The following ESRRG variants were observed in gnomAD, a reference collection of about 807,000 sequenced individuals.
ESRRG encodes estrogen-related receptor gamma.
In ESRRG, 13 loss-of-function variants were observed where a neutral mutation model predicts 44.0. The observed-to-expected ratio is 0.30, with a 90% CI of 0.19 to 0.47. ESRRG has a LOEUF of 0.47. ESRRG is among the 20% of genes least tolerant of loss of function. The pLI is 1.00. For missense variants in ESRRG, 395 were observed against 580.6 expected (o/e 0.68, Z 3.29); for synonymous variants, 215 against 214.6 (o/e 1.00, Z -0.02).
chr1:216,852,574 C>T (rs1482336112), intron 2 of ESRRG, among the ~76,000 whole-genome samples: 1 of 152,174 alleles, frequency 6.6e-6, no homozygotes, highest in Non-Finnish European at 1.5e-5. Context: ...TGTGTTCATA[C>T]TATCTTGTTT....
intron 3 of ESRRG, among the ~76,000 whole-genome samples, chr1:216,623,916 A>G (rs577167850): frequency 1.2e-4 from 19 of 152,056 alleles, no homozygotes; most frequent in Non-Finnish European, 2.2e-4. Flanking sequence ...ACTCAAGGGC[A>G]TATATTCAGG....
At chr1:216,607,684 A>G (rs2060113094) in intron 3 of ESRRG, among the ~76,000 whole-genome samples, 1 of 152,194 alleles carries the variant, frequency 6.6e-6, no homozygotes, top group Admixed American at 6.5e-5. Context: ...TTTTTTACTG[A>G]GACCACAACT....
intron 1 of ESRRG, among the ~76,000 whole-genome samples, chr1:216,977,561 T>C (rs972642062): frequency 6.6e-6 from 1 of 152,110 alleles, no homozygotes; most frequent in Non-Finnish European, 1.5e-5. Context: ...AGACAATAAG[T>C]ACAGGGCCAA....
intron 1 of ESRRG, among the ~76,000 whole-genome samples, chr1:217,053,306 T>C (rs1163220930): frequency 6.6e-6 from 1 of 151,716 alleles, no homozygotes; most frequent in Non-Finnish European, 1.5e-5. Flanking sequence ...AATACAAAAA[T>C]TAGCCAGGCA....
chr1:216,574,241 GCTT>G (rs1209638610), intron 3 of ESRRG, among the ~76,000 whole-genome samples: 1 of 152,042 alleles, frequency 6.6e-6, no homozygotes, highest in Non-Finnish European at 1.5e-5. Context: ...GTTTCACATT[GCTT>G]CTTCTTTCAT....
intron 1 of ESRRG, among the ~76,000 whole-genome samples, chr1:216,982,440 C>T (rs960751723): frequency 1.3e-5 from 2 of 152,118 alleles, no homozygotes; most frequent in African/African-American, 2.4e-5. Context: ...AAACAAAGCA[C>T]TGCCATACCT....
At chr1:216,568,649 A>T (rs1312762797) in intron 3 of ESRRG, among the ~76,000 whole-genome samples, 2 of 152,334 alleles carry the variant, frequency 1.3e-5, no homozygotes, top group South Asian at 2.1e-4. Context: ...GTTCTCTATC[A>T]AAATGTCAAT....
intron 1 of ESRRG, among the ~76,000 whole-genome samples, chr1:216,681,603 C>T (rs1559192483): frequency 6.6e-6 from 1 of 152,158 alleles, no homozygotes; most frequent in Non-Finnish European, 1.5e-5. Flanking sequence ...GATCATACTT[C>T]AACCTAGGAT....
chr1:216,820,824 C>A (rs1301261224), intron 2 of ESRRG, among the ~76,000 whole-genome samples: 1 of 152,180 alleles, frequency 6.6e-6, no homozygotes, highest in Non-Finnish European at 1.5e-5. Flanking sequence ...AGTTTGCTAA[C>A]CTTTAAATTC....
At chr1:216,530,744 G>A (rs569967658) in intron 5 of ESRRG, among the ~76,000 whole-genome samples, 2 of 152,224 alleles carry the variant, frequency 1.3e-5, no homozygotes, top group African/African-American at 4.8e-5. Context: ...AAGAAAAATT[G>A]CTTATAATTT....
Position 217,102,499 on chromosome 1 carries a change from A to T in ESRRG, c.-230+35168T>A, listed in dbSNP as rs569712640. ...GTAGTGTATGAGTTGCCACTTCTCTAGTTTGGGTCTCCATTGCGTACTGCC... is the reference window on the plus strand; with the variant it reads ...GTAGTGTATGAGTTGCCACTTCTCTTGTTTGGGTCTCCATTGCGTACTGCC... On this transcript the variant is annotated intron_variant, in intron 1 of 8. Coordinates refer to the ESRRG transcript ENST00000366940. Among the ~76,000 whole-genome samples the T allele has an allele frequency of 7.2e-5, 11 of 152,316 alleles. No homozygotes were observed. In the South Asian group the frequency reaches 2.3e-3, roughly 32 times the overall value.
intron 2 of ESRRG, among the ~76,000 whole-genome samples, chr1:216,866,525 A>G (rs2818802): frequency 0.49 from 75,023 of 151,684 alleles, 21,011 homozygotes; most frequent in African/African-American, 0.77. Context: ...AGAAATATCT[A>G]TATCTCATGA....
chr1:216,675,409 C>T (rs2075926268), intron 2 of ESRRG, among the ~76,000 whole-genome samples: 2 of 151,972 alleles, frequency 1.3e-5, no homozygotes, highest in Non-Finnish European at 1.5e-5. Flanking sequence ...TCTATGTACA[C>T]ATAAAGGGTT....
chr1:216,648,150 C>T (rs1574720934), intron 3 of ESRRG, among the ~76,000 whole-genome samples: 1 of 152,182 alleles, frequency 6.6e-6, no homozygotes, highest in African/African-American at 2.4e-5. Flanking sequence ...CAGTATCATT[C>T]TCTCCAGGCT....
At chr1:216,657,315 G>A (rs2070880892) in intron 2 of ESRRG, among the ~76,000 whole-genome samples, 1 of 152,106 alleles carries the variant, frequency 6.6e-6, no homozygotes, top group African/African-American at 2.4e-5. Context: ...CAAAGAAGGC[G>A]TCCACAGTTC....
intron 1 of ESRRG, among the ~76,000 whole-genome samples, chr1:216,951,736 T>C (rs1258227689): frequency 6.6e-6 from 1 of 151,244 alleles, no homozygotes; most frequent in Non-Finnish European, 1.5e-5. Context: ...TGTGTGTGTG[T>C]GTGTGTGTGT....
intron 6 of ESRRG, among the ~76,000 whole-genome samples, chr1:216,507,783 C>A (rs1333499552): frequency 1.3e-5 from 2 of 152,142 alleles, no homozygotes; most frequent in African/African-American, 4.8e-5. Flanking sequence ...GAGTCTACTT[C>A]CCTGATGAAA....
intron 5 of ESRRG, among the ~76,000 whole-genome samples, chr1:216,562,444 T>A (rs1405048810): frequency 6.6e-6 from 1 of 152,098 alleles, no homozygotes; most frequent in Admixed American, 6.6e-5. Flanking sequence ...TTGAGAATAA[T>A]AATACCTGAT....
chr1:216,734,611 C>T (rs1039318101), intron 2 of ESRRG, among the ~76,000 whole-genome samples: 2 of 152,134 alleles, frequency 1.3e-5, no homozygotes, highest in Non-Finnish European at 2.9e-5. Context: ...ACTTATGCTT[C>T]TTGTACAGTC....
Sources: gnomAD v4.1 joint callset for allele counts (sites outside exome capture counted in the v4.1 genomes callset) on GRCh38, gnomAD v4.1.1 for gene constraint, MANE v1.5 for transcripts, NCBI Gene and HGNC (gene_info 2026-07-23, HGNC 2026-07-21) for gene names.